Variants in VAV1 observed in about 807,000 individuals in gnomAD.
The protein encoded by VAV1 is vav guanine nucleotide exchange factor 1.
A neutral mutation model predicts 128.1 loss-of-function variants in VAV1; 33 were observed. The ratio of observed to expected loss-of-function variants is 0.26; its 90% CI spans 0.20 to 0.34. The LOEUF (loss-of-function observed/expected upper bound fraction) is 0.34, where lower values mean the gene tolerates loss of function less well. Ranked by LOEUF, VAV1 falls within the 10% of genes least tolerant of loss-of-function variation. The probability of loss-of-function intolerance (pLI) is 1.00; values close to 1 mark genes in which losing one functional copy is unlikely to be tolerated. For synonymous variants in VAV1, 394 were observed against 409.8 expected, an observed-to-expected ratio of 0.96 and a Z score of 0.47; for missense variants, 715 against 1,093.7, an observed-to-expected ratio of 0.65 and a Z score of 4.88.
intron 1 of VAV1, among the ~76,000 whole-genome samples, chr19:6,784,496 T>G (rs1970841679): frequency 1.0e-5 from 1 of 97,766 alleles, no homozygotes; most frequent in Non-Finnish European, 2.3e-5. Flanking sequence ...TCTGTTCCTT[T>G]TTTTTTTTTT....
At chr19:6,774,125 T>C (rs1970565653) in intron 1 of VAV1, among the ~76,000 whole-genome samples, 1 of 145,596 alleles carries the variant, frequency 6.9e-6, no homozygotes, top group Admixed American at 6.7e-5. Flanking sequence ...CTGTTTATTT[T>C]ATTTATTTAT....
chr19:6,829,932 G>A lies in VAV1; in HGVS notation c.1398+14G>A, dbSNP rs1972014624. The A allele has an allele frequency of 6.2e-7, 1 of 1,614,004 alleles. No homozygotes were observed. Among genetic ancestry groups the A allele is most frequent in the East Asian group, 2.2e-5 (1 of 44,884 alleles). ...GACAACAAGAAGGTGGGGCTTTGAC[G>A]CCGGAACTATGGGGTCCTCCACGCA... On this transcript the variant is annotated intron_variant, in intron 14 of 26. Transcript: ENST00000602142.
chr19:6,817,496 A>T (rs937283069), intron 1 of VAV1, among the ~76,000 whole-genome samples: 4 of 152,032 alleles, frequency 2.6e-5, no homozygotes, highest in African/African-American at 7.3e-5. Context: ...AACATATATC[A>T]GGGGCCTCCT....
At chr19:6,853,899 T>TG (rs1176383492) in intron 25 of VAV1, 48 bp from the exon 26 acceptor site, 3 of 1,587,862 alleles carry the variant, frequency 1.9e-6, no homozygotes, top group Admixed American at 3.4e-5. Flanking sequence ...AGAGAGTGAG[T>TG]GGGTATCTGC....
intron 1 of VAV1, among the ~76,000 whole-genome samples, chr19:6,801,470 G>A (rs2617822): frequency 0.73 from 111,020 of 151,900 alleles, 43,180 homozygotes; most frequent in East Asian, 0.94. Context: ...CCTCACAGAA[G>A]GGTTTGAGGG....
At position 6,826,104 on chromosome 19, in the gene VAV1, G is replaced by A. The variant is rs181859577; in HGVS notation, c.828-508G>A. ...TGTAATTCCAGCACTTTGGGAGGCC[G>A]AGGAGGGCAGATCACTTGAGGTCAG... On this transcript the variant is annotated intron_variant, in intron 8 of 26. Coordinates refer to ENST00000602142, the MANE Select transcript of VAV1 (RefSeq NM_005428.4). This position sits in a 1 kb window ranked among gnomAD's most constrained non-coding sequence, Gnocchi z 4.1. 3.2e-3 allele frequency among the ~76,000 whole-genome samples: 483 copies of A among 152,230 alleles called. 5 individuals are homozygous for A. Among genetic ancestry groups the A allele is most frequent in the African/African-American group, 0.011 (454 of 41,552 alleles).
At chr19:6,786,355 G>A (rs1489747364) in intron 1 of VAV1, among the ~76,000 whole-genome samples, 1 of 152,084 alleles carries the variant, frequency 6.6e-6, no homozygotes. Flanking sequence ...CCAGCTACCC[G>A]GGAGGCTGAG....
Position 6,797,520 on chromosome 19 carries a change from A to T in VAV1, c.205-23182A>T, listed in dbSNP as rs1368771564. On this transcript the variant is annotated intron_variant, in intron 1 of 26. Coordinates refer to ENST00000602142, the MANE Select transcript of VAV1 (RefSeq NM_005428.4). ...GAGTTCGAGACTCAGCCTCACCAGTATAGTAAAACCCAGTCTCTACTAAAA... is the reference window on the plus strand; with the variant it reads ...GAGTTCGAGACTCAGCCTCACCAGTTTAGTAAAACCCAGTCTCTACTAAAA... Among the ~76,000 whole-genome samples, 4 of 151,816 alleles carry T rather than the reference A, an allele frequency of 2.6e-5. No homozygotes were observed. The East Asian group carries it at 7.8e-4, about 30-fold the overall frequency.
At chr19:6,848,419 C>CTTTTCT (rs1555706551) in intron 23 of VAV1, among the ~76,000 whole-genome samples, 1 of 149,510 alleles carries the variant, frequency 6.7e-6, no homozygotes, top group Non-Finnish European at 1.5e-5. Flanking sequence ...CTTTTCTTTT[C>CTTTTCT]TTTTTTTTTC....
chr19:6,821,783 C>T lies in VAV1; in HGVS notation c.381-8C>T, dbSNP rs780032946. ...AGGCCCCTGGCTCACACCCTCCTGA[C>T]CCCCCAGGCCCTTCCCCACCGAGGA... On this transcript the variant is annotated splice_region_variant and splice_polypyrimidine_tract_variant and intron_variant, in intron 3 of 26. Transcript: ENST00000602142. 14 of 1,613,876 alleles carry T rather than the reference C, an allele frequency of 8.7e-6. No individual in the cohort carries two copies. The highest frequency in any genetic ancestry group is 6.6e-5 in the South Asian group (6 of 91,066).
At chr19:6,804,967 G>A (rs1007280030) in intron 1 of VAV1, among the ~76,000 whole-genome samples, 9 of 151,516 alleles carry the variant, frequency 5.9e-5, no homozygotes, top group African/African-American at 1.2e-4. Flanking sequence ...TTCCTGAGGC[G>A]TGAACCACCC....
At chr19:6,805,583 T>TATACACACACACAC (rs370624141) in intron 1 of VAV1, among the ~76,000 whole-genome samples, 2 of 139,096 alleles carry the variant, frequency 1.4e-5, no homozygotes, top group Non-Finnish European at 3.1e-5. Context: ...TTTCTACAGA[T>TATACACACACACAC]ACACACACAC....
At chr19:6,787,020 A>AT (rs56137755) in intron 1 of VAV1, among the ~76,000 whole-genome samples, 3,526 of 138,438 alleles carry the variant, frequency 0.025, 130 homozygotes, top group African/African-American at 0.069. Context: ...CACGCTGTCT[A>AT]TTTTTTTTTT....
intron 14 of VAV1, among the ~76,000 whole-genome samples, chr19:6,831,464 A>G (rs1271550839): frequency 6.6e-6 from 1 of 152,076 alleles, no homozygotes; most frequent in African/African-American, 2.4e-5. Flanking sequence ...GGTGCCCGCC[A>G]CCACGCCCAG....
In VAV1 at chr19:6,786,420, C is replaced by A. The variant is rs572848494; in HGVS notation, c.204+13409C>A. On this transcript the variant is annotated intron_variant, in intron 1 of 26. Coordinates refer to ENST00000602142, the MANE Select transcript of VAV1 (RefSeq NM_005428.4). ...GAGGCTGCAGTGAACTATGATCCTGCCACTGCACTCCAGCCTGGGCAACAC... is the reference window on the plus strand; with the variant it reads ...GAGGCTGCAGTGAACTATGATCCTGACACTGCACTCCAGCCTGGGCAACAC... 2.6e-5 allele frequency among the ~76,000 whole-genome samples: 4 copies of A among 152,134 alleles called. No individual in the cohort carries two copies. The East Asian group carries it at 7.7e-4, about 29-fold the overall frequency.
intron 1 of VAV1, among the ~76,000 whole-genome samples, chr19:6,810,151 T>C (rs1971485350): frequency 6.6e-6 from 1 of 151,860 alleles, no homozygotes; most frequent in South Asian, 2.1e-4. Context: ...TTCACTCCAG[T>C]CTGGGTGACA....
intron 1 of VAV1, among the ~76,000 whole-genome samples, chr19:6,796,608 C>A (rs1406170664): frequency 6.6e-6 from 1 of 152,198 alleles, no homozygotes; most frequent in Non-Finnish European, 1.5e-5. Flanking sequence ...ATTCCCTCTG[C>A]CTGAAATGCT....
chr19:6,837,335 C>T (rs1348280846), intron 21 of VAV1, among the ~76,000 whole-genome samples: 1 of 152,198 alleles, frequency 6.6e-6, no homozygotes, highest in Non-Finnish European at 1.5e-5. Context: ...GAAGGTGGGC[C>T]TGCCCCTTGC....
intron 1 of VAV1, among the ~76,000 whole-genome samples, chr19:6,791,783 T>C (rs1453764268): frequency 1.3e-5 from 2 of 152,126 alleles, no homozygotes; most frequent in Non-Finnish European, 1.5e-5. Flanking sequence ...GAGGAGGGCA[T>C]GCTTTCTGGA....
Sources: allele counts gnomAD v4.1 joint callset (sites outside exome capture counted in the v4.1 genomes callset), GRCh38; gene constraint gnomAD v4.1.1; non-coding constraint Gnocchi (gnomAD v3.1); transcripts MANE v1.5; gene names NCBI Gene and HGNC (gene_info 2026-07-23, HGNC 2026-07-21).